The following SEPTIN5 variants were observed in gnomAD, a reference collection of about 807,000 sequenced individuals.
The protein encoded by SEPTIN5 is septin-5.
A neutral mutation model predicts 51.2 loss-of-function variants in SEPTIN5; 16 were observed. The observed-to-expected ratio is 0.31, with a 90% confidence interval of 0.21 to 0.47. The LOEUF (loss-of-function observed/expected upper bound fraction) is 0.47. Ranked by LOEUF, SEPTIN5 falls within the 20% of genes least tolerant of loss-of-function variation. The pLI is 0.99. For synonymous variants in SEPTIN5, 208 were observed against 191.2 expected (o/e 1.09, Z -0.72); for missense variants, 376 against 500.3 (o/e 0.75, Z 2.37).
chr22:19,717,072 G>T, intron 2 of SEPTIN5: 1 of 322,228 alleles, frequency 3.1e-6, no homozygotes, highest in South Asian at 2.3e-5. Context: ...CTGTGGGCCT[G>T]CCCCTCCTCC....
intron 2 of SEPTIN5, chr22:19,718,472 G>A (rs1437260756): frequency 2.6e-6 from 3 of 1,156,810 alleles, no homozygotes; most frequent in East Asian, 7.7e-5. Context: ...TCGGGTGCGG[G>A]AGCGGGGCCT....
At chr22:19,718,431 C>G (rs1306915167) in intron 2 of SEPTIN5, 1 of 1,076,898 alleles carries the variant, frequency 9.3e-7, no homozygotes, top group African/African-American at 1.7e-5. Context: ...GCCGCGCGCT[C>G]CGCGGGCGCC....
chr22:19,715,613 A>G (rs529160650), intron 2 of SEPTIN5, among the ~76,000 whole-genome samples: 1 of 152,298 alleles, frequency 6.6e-6, no homozygotes, highest in African/African-American at 2.4e-5. Flanking sequence ...GAAGAGCCCA[A>G]TTCTGGCACC....
intron 2 of SEPTIN5, chr22:19,717,572 G>A (rs993441478): frequency 1.3e-5 from 4 of 316,364 alleles, no homozygotes; most frequent in Admixed American, 4.5e-5. Context: ...TGGGTGGCCG[G>A]CGTTTATTCA....
intron 4 of SEPTIN5, 103 bp downstream of exon 4, chr22:19,719,995 C>T (rs983262620): frequency 2.5e-5 from 40 of 1,597,892 alleles, no homozygotes; most frequent in East Asian, 2.5e-4. Context: ...TCTGTTCTCG[C>T]GGTGTGGGTC....
chr22:19,721,874 C>T lies in SEPTIN5; in HGVS notation c.867C>T (p.Arg289=). The T allele has an allele frequency of 1.2e-6, 2 of 1,612,284 alleles. No individual in the cohort carries two copies. Among genetic ancestry groups the T allele is most frequent in the Non-Finnish European group, 8.5e-7 (1 of 1,179,560 alleles). The part of the protein sequence containing the change: ...DFVKLRNMLI[R]THMHDLKDVT... ...TGAAGCTGCGCAACATGCTCATCCGCACGCATATGCACGACCTCAAGGACG... is the reference window on the plus strand; with the variant it reads ...TGAAGCTGCGCAACATGCTCATCCGTACGCATATGCACGACCTCAAGGACG... Residue 289 remains arginine (R), a synonymous_variant, in exon 10 of 12, where the codon CGC becomes CGT. Coordinates refer to ENST00000455784, the MANE Select transcript of SEPTIN5 (RefSeq NM_002688.6).
chr22:19,719,625 C>T lies in SEPTIN5; in HGVS notation c.78C>T (p.Gly26=), dbSNP rs566787588. The part of the protein sequence containing the change: ...DKQDIDKQYV[G]FATLPNQVHR... The stretch of plus-strand genomic sequence containing the variant: ...AGGACATTGACAAGCAGTACGTGGG[C>T]TTCGCCACACTGCCCAACCAGGTGC... The change falls in exon 3 of 12, where the codon GGC becomes GGT. Residue 26 remains glycine, a synonymous_variant. Transcript: ENST00000455784. The T allele has an allele frequency of 6.2e-7, 1 of 1,612,942 alleles. No homozygotes were observed. The highest frequency in any genetic ancestry group is 1.1e-5 in the South Asian group (1 of 91,060).
At chr22:19,721,767 T>A in intron 9 of SEPTIN5, 31 bp downstream of exon 9, 1 of 1,601,054 alleles carries the variant, frequency 6.2e-7, no homozygotes, top group Non-Finnish European at 8.5e-7. Context: ...CCAGGTCTGG[T>A]GGGGGAAGGC....
rs1421048502 is a variant in SEPTIN5 at position 19,719,652 on chromosome 22, C to T, written c.105C>T (p.His35=). Residue 35 remains histidine, a synonymous_variant, in exon 3 of 12, where the codon CAC becomes CAT. Coordinates refer to ENST00000455784, the MANE Select transcript of SEPTIN5 (RefSeq NM_002688.6). Reference sequence around the variant, plus strand: ...TCGCCACACTGCCCAACCAGGTGCACCGCAAGTCGGTGAAGAAAGGCTTTG... The same window carrying T: ...TCGCCACACTGCCCAACCAGGTGCATCGCAAGTCGGTGAAGAAAGGCTTTG... The part of the protein sequence containing the change: ...VGFATLPNQV[H]RKSVKKGFDF... The T allele has an allele frequency of 1.9e-6, 3 of 1,613,050 alleles. No individual in the cohort carries two copies. Among genetic ancestry groups the T allele is most frequent in the African/African-American group, 1.3e-5 (1 of 75,070 alleles).
chr22:19,721,564 G>A (rs1936032670), intron 8 of SEPTIN5, 76 bp from the exon 9 acceptor site: 2 of 1,517,302 alleles, frequency 1.3e-6, no homozygotes, highest in African/African-American at 1.4e-5. Context: ...TGCCCCGGGA[G>A]TTACATGCCC....
rs1414807879 is a variant in SEPTIN5 at position 19,722,997 on chromosome 22, G to C, written c.*513G>C. 1 of 446,140 alleles carries C rather than the reference G, an allele frequency of 2.2e-6. No homozygotes were observed. The highest frequency in any genetic ancestry group is 4.2e-6 in the Non-Finnish European group (1 of 236,006). The allele number at this position is 446,140 out of a possible 1,614,324, so 27.6% of individuals were successfully genotyped here. The stretch of plus-strand genomic sequence containing the variant: ...GGGCAGGGTTGGGCTGAATCAAATG[G>C]GAGCCCTCCAGACATAAGGAGGCCA... On this transcript the variant is annotated 3_prime_UTR_variant, in exon 12 of 12. Transcript: ENST00000455784.
At chr22:19,722,212 C>T (rs1354436967) in intron 10 of SEPTIN5, 25 bp from the exon 11 acceptor site, 2 of 1,466,260 alleles carry the variant, frequency 1.4e-6, no homozygotes, top group South Asian at 1.2e-5. Flanking sequence ...GCCGCCCCGC[C>T]CATCCTCCCC....
chr22:19,714,576 G>C lies in SEPTIN5; in HGVS notation c.-13G>C. On this transcript the variant is annotated 5_prime_UTR_variant, in exon 1 of 12. Transcript: ENST00000455784. This position sits in a 1 kb window ranked among gnomAD's most constrained non-coding sequence, Gnocchi z 5.2. The stretch of plus-strand genomic sequence containing the variant: ...CGCGAGCCCGCCCCGCACGTCCCCC[G>C]CCGGCGGCCACCATGAGCACAGGCC... 1 of 1,400,860 alleles carries C rather than the reference G, an allele frequency of 7.1e-7. No homozygotes were observed. Among genetic ancestry groups the C allele is most frequent in the Non-Finnish European group, 9.3e-7 (1 of 1,077,316 alleles). 86.8% of individuals were successfully genotyped at this position (1,400,860 alleles called of 1,614,324 possible).
In SEPTIN5 at chr22:19,717,179, G is replaced by T. The variant is rs943566702; in HGVS notation, c.54+2388G>T. 1.0e-5 allele frequency: 4 copies of T among 399,092 alleles called. No individual in the cohort carries two copies. In the Admixed American group the frequency reaches 1.1e-4, roughly 11 times the overall value. 24.7% of individuals were successfully genotyped at this position (399,092 alleles called of 1,614,324 possible). A position where few individuals can be genotyped will look rare whatever the true frequency, so the allele number is the denominator to read the frequency against. On this transcript the variant is annotated intron_variant, in intron 2 of 11. Coordinates refer to ENST00000455784, the MANE Select transcript of SEPTIN5 (RefSeq NM_002688.6). ...AGGAGAGCCTAAGGGAGGGCTGGTG[G>T]CGGGTGGGGTGGGGTGGGGTTGGGG... is the stretch of plus-strand genomic sequence containing the variant.
intron 11 of SEPTIN5, 26 bp from the exon 12 acceptor site, chr22:19,722,402 A>T: frequency 6.3e-7 from 1 of 1,591,138 alleles, no homozygotes; most frequent in Non-Finnish European, 8.6e-7. Flanking sequence ...GGTGCTGCTC[A>T]CCCGCCGGGT....
rs925231115 is a variant in SEPTIN5, at chr22:19,722,644, G to T, written c.*160G>T. 1.2e-6 allele frequency: 1 copy of T among 800,926 alleles called. No individual in the cohort carries two copies. The highest frequency in any genetic ancestry group is 2.0e-6 in the Non-Finnish European group (1 of 509,280). 49.6% of individuals were successfully genotyped at this position (800,926 alleles called of 1,614,324 possible). A position where few individuals can be genotyped will look rare whatever the true frequency, so the allele number is the denominator to read the frequency against. On this transcript the variant is annotated 3_prime_UTR_variant, in exon 12 of 12. Coordinates refer to ENST00000455784, the MANE Select transcript of SEPTIN5 (RefSeq NM_002688.6). ...CCAGGTCATTGTGTCTGTTTCCGAG[G>T]GGCCTGGACCGTAGCCCCCGCCCAG...
chr22:19,718,802 C>A (rs866132671), intron 2 of SEPTIN5: 1 of 1,237,688 alleles, frequency 8.1e-7, no homozygotes, highest in Non-Finnish European at 1.0e-6. Context: ...CGGACCCAGG[C>A]CCAGAGGCGG....
intron 8 of SEPTIN5, 49 bp from the exon 9 acceptor site, chr22:19,721,591 C>CTT (rs758345709): frequency 5.9e-5 from 95 of 1,597,806 alleles, no homozygotes; most frequent in Non-Finnish European, 1.7e-6. Context: ...CATCAGTAAC[C>CTT]GTGCAATTAC....
At position 19,722,379 on chromosome 22, in the gene SEPTIN5, G is replaced by A. The variant is rs755140210; in HGVS notation, c.1053+40G>A. ...GGGGGCGGCGGAGGCGGGCGTCAGG[G>A]ATGCTCCTCCGCGGTGCTGCTCACC... On this transcript the variant is annotated intron_variant, in intron 11 of 11. Coordinates refer to ENST00000455784, the MANE Select transcript of SEPTIN5 (RefSeq NM_002688.6). 1.3e-5 allele frequency: 21 copies of A among 1,595,158 alleles called. No homozygotes were observed. The African/African-American group carries it at 1.3e-4, about 10-fold the overall frequency.
Sources: allele counts gnomAD v4.1 joint callset (sites outside exome capture counted in the v4.1 genomes callset), GRCh38; gene constraint gnomAD v4.1.1; non-coding constraint Gnocchi (gnomAD v3.1); transcripts MANE v1.5; gene names NCBI Gene and HGNC (gene_info 2026-07-23, HGNC 2026-07-21).